FGF12: variants seen among roughly 807,000 people sequenced by gnomAD.
FGF12 encodes fibroblast growth factor 12B.
FGF12 carries 14 observed loss-of-function variants against 23.6 expected under a neutral mutation model. The observed-to-expected ratio is 0.59, with a 90% CI of 0.39 to 0.93. The LOEUF (loss-of-function observed/expected upper bound fraction) is 0.93. FGF12 is among the 40% of genes least tolerant of loss of function. The probability of loss-of-function intolerance (pLI) is 0.00; values close to 1 mark genes in which losing one functional copy is unlikely to be tolerated. For synonymous variants in FGF12, 62 were observed against 77.3 expected, an observed-to-expected ratio of 0.80 and a Z score of 1.04; for missense variants, 175 against 217.8, an observed-to-expected ratio of 0.80 and a Z score of 1.24.
chr3:192,432,724 G>A (rs1225434571), intron 2 of FGF12, among the ~76,000 whole-genome samples: 1 of 151,764 alleles, frequency 6.6e-6, no homozygotes, highest in African/African-American at 2.4e-5. Context: ...CAGCCCGAAA[G>A]AACTTGCAAG....
chr3:192,271,263 G>A (rs1408747031), intron 4 of FGF12, among the ~76,000 whole-genome samples: 2 of 152,154 alleles, frequency 1.3e-5, no homozygotes, highest in Non-Finnish European at 2.9e-5. Flanking sequence ...GAATTCAGAG[G>A]TTCAAGCACT....
At chr3:192,506,615 G>C (rs934201347) in intron 2 of FGF12, among the ~76,000 whole-genome samples, 1 of 152,106 alleles carries the variant, frequency 6.6e-6, no homozygotes, top group Non-Finnish European at 1.5e-5. Flanking sequence ...CAAGTAACCT[G>C]CCCACCTCAG....
intron 2 of FGF12, among the ~76,000 whole-genome samples, chr3:192,618,338 T>A (rs1249332869): frequency 1.3e-5 from 2 of 152,058 alleles, no homozygotes; most frequent in Non-Finnish European, 2.9e-5. Flanking sequence ...TACAGGTCTC[T>A]AAGCTCAATG....
chr3:192,229,343 C>T (rs1718903849), intron 4 of FGF12, among the ~76,000 whole-genome samples: 2 of 151,928 alleles, frequency 1.3e-5, no homozygotes, highest in South Asian at 4.1e-4. Flanking sequence ...GATTATCTTC[C>T]TCCAGTGATA....
At chr3:192,266,437 T>G (rs1009747683) in intron 4 of FGF12, among the ~76,000 whole-genome samples, 8 of 152,106 alleles carry the variant, frequency 5.3e-5, no homozygotes, top group African/African-American at 1.7e-4. Context: ...TCCCAAATAA[T>G]AGGCAACATG....
intron 5 of FGF12, among the ~76,000 whole-genome samples, chr3:192,160,550 G>C (rs1714810327): frequency 6.6e-6 from 1 of 152,020 alleles, no homozygotes; most frequent in Non-Finnish European, 1.5e-5. Context: ...TTTTAAAATA[G>C]TCCCATATTT....
intron 2 of FGF12, among the ~76,000 whole-genome samples, chr3:192,582,003 G>T (rs529435358): frequency 6.6e-6 from 1 of 152,176 alleles, no homozygotes; most frequent in African/African-American, 2.4e-5. Context: ...ACTTGTTCAG[G>T]ATTTGTGGGA....
At position 192,144,100 on chromosome 3, in the gene FGF12, T is replaced by A. The variant is rs769374802; in HGVS notation, c.455A>T (p.His152Leu). The A allele has an allele frequency of 6.2e-7, 1 of 1,613,480 alleles. No individual in the cohort carries two copies. The highest frequency in any genetic ancestry group is 1.7e-5 in the Admixed American group (1 of 60,004). ...EVCMYREPSL[H>L]EIGEKQGRSR... Reference sequence around the variant, plus strand: ...ACGCCCTTGTTTTTCTCCAATTTCATGTAGCGATGGTTCTCTGTACATACA... The same window carrying A: ...ACGCCCTTGTTTTTCTCCAATTTCAAGTAGCGATGGTTCTCTGTACATACA... Residue 152 changes from histidine to leucine, a missense_variant, in exon 6 of 6, where the codon CAT becomes CTT. Physicochemically the swap from His to Leu is moderately conservative, Grantham distance 99. Coordinates refer to ENST00000445105, the MANE Select transcript of FGF12 (RefSeq NM_004113.6).
intron 2 of FGF12, among the ~76,000 whole-genome samples, chr3:192,460,129 G>A (rs1386036972): frequency 6.6e-6 from 1 of 152,152 alleles, no homozygotes; most frequent in Non-Finnish European, 1.5e-5. Flanking sequence ...GGAGGGGGGA[G>A]TTAGGGAACA....
chr3:192,333,656 G>A (rs1373207143), intron 4 of FGF12, among the ~76,000 whole-genome samples: 3 of 152,030 alleles, frequency 2.0e-5, no homozygotes, highest in African/African-American at 7.2e-5. Flanking sequence ...AAAAATAATT[G>A]TAATACAAAT....
chr3:192,385,525 C>T (rs920970019), intron 2 of FGF12, among the ~76,000 whole-genome samples: 3 of 152,152 alleles, frequency 2.0e-5, no homozygotes, highest in African/African-American at 7.2e-5. Context: ...CAGATCTGAT[C>T]TTTCACAAAA....
intron 2 of FGF12, among the ~76,000 whole-genome samples, chr3:192,407,029 C>T (rs1720982144): frequency 6.6e-6 from 1 of 152,214 alleles, no homozygotes; most frequent in African/African-American, 2.4e-5. Flanking sequence ...AGAAAACCAA[C>T]AGTCTGATGG....
At chr3:192,354,865 C>CTGGCTAAT (rs1250657543) in intron 3 of FGF12, among the ~76,000 whole-genome samples, 3 of 152,146 alleles carry the variant, frequency 2.0e-5, no homozygotes, top group Admixed American at 6.5e-5. Context: ...ACCACCGTGC[C>CTGGCTAAT]TGGCTAATTT....
chr3:192,158,371 TTTCTTTCTTTC>T (rs1186075901), intron 5 of FGF12, among the ~76,000 whole-genome samples: 1 of 119,076 alleles, frequency 8.4e-6, no homozygotes, highest in Admixed American at 9.0e-5. Flanking sequence ...TCTTTCTTTC[TTTCTTTCTTTC>T]TTTTCTTTCT....
rs1342906720 is a variant in FGF12 at position 192,429,344 on chromosome 3, T to C, written c.14-68806A>G. Among the ~76,000 whole-genome samples, 3 of 152,150 alleles carry C rather than the reference T, an allele frequency of 2.0e-5. No homozygotes were observed. In the East Asian group the frequency reaches 5.8e-4, roughly 29 times the overall value. ...TTGATGGAATGGAAGGAGGAGCTTG[T>C]CCTCTATACTGCAGTATTTTGGAAA... On this transcript the variant is annotated intron_variant, in intron 2 of 5. Coordinates refer to ENST00000445105, the MANE Select transcript of FGF12 (RefSeq NM_004113.6).
At chr3:192,165,485 T>C (rs1374107979) in intron 5 of FGF12, among the ~76,000 whole-genome samples, 1 of 151,464 alleles carries the variant, frequency 6.6e-6, no homozygotes, top group African/African-American at 2.4e-5. Flanking sequence ...CACAATGTCA[T>C]TGCCAAAGAA....
chr3:192,559,146 G>A (rs939798799), intron 2 of FGF12, among the ~76,000 whole-genome samples: 1 of 151,840 alleles, frequency 6.6e-6, no homozygotes, highest in Non-Finnish European at 1.5e-5. Context: ...AAAACAATCT[G>A]CAGGTAAAAG....
rs530787409 is a variant in FGF12, at chr3:192,676,758, T to C, written c.13+50423A>G. Among the ~76,000 whole-genome samples, 7 of 152,178 alleles carry C rather than the reference T, an allele frequency of 4.6e-5. No individual in the cohort carries two copies. In the East Asian group the frequency reaches 7.7e-4, roughly 17 times the overall value. On this transcript the variant is annotated intron_variant, in intron 2 of 5. Transcript: ENST00000445105. Reference sequence around the variant, plus strand: ...ACACAGGGAGAACACTATGGAAAGATGAAGGCAGCAGTGAGGGCAAGGAAT... The same window carrying C: ...ACACAGGGAGAACACTATGGAAAGACGAAGGCAGCAGTGAGGGCAAGGAAT...
intron 5 of FGF12, among the ~76,000 whole-genome samples, chr3:192,162,535 G>T (rs1227771798): frequency 6.6e-6 from 1 of 152,096 alleles, no homozygotes; most frequent in Non-Finnish European, 1.5e-5. Flanking sequence ...ACAATGGTTT[G>T]CAGGAGGAAA....
Sources: gnomAD v4.1 joint callset for allele counts (sites outside exome capture counted in the v4.1 genomes callset) on GRCh38, gnomAD v4.1.1 for gene constraint, MANE v1.5 for transcripts, NCBI Gene and HGNC (gene_info 2026-07-23, HGNC 2026-07-21) for gene names.